Variants in GPC6 observed in about 807,000 individuals in gnomAD.
The protein encoded by GPC6 is glypican-6.
Under a neutral mutation model 55.2 loss-of-function variants are expected in GPC6, and 14 were observed. The observed-to-expected ratio is 0.25, with a 90% CI of 0.17 to 0.40. The LOEUF (loss-of-function observed/expected upper bound fraction) is 0.40, where lower values mean the gene tolerates loss of function less well. Ranked by LOEUF, GPC6 falls within the 10% of genes least tolerant of loss-of-function variation. GPC6 has a pLI of 1.00. For missense variants in GPC6, 641 were observed against 708.5 expected (o/e 0.90, Z 1.08); for synonymous variants, 278 against 259.6 (o/e 1.07, Z -0.68).
At chr13:94,127,435 C>T (rs558898516) in intron 4 of GPC6, among the ~76,000 whole-genome samples, 6 of 152,190 alleles carry the variant, frequency 3.9e-5, no homozygotes, top group East Asian at 3.9e-4. Flanking sequence ...GTGCCAGCTC[C>T]GCCTTTGCCT....
intron 2 of GPC6, among the ~76,000 whole-genome samples, chr13:93,717,196 A>G (rs1883280179): frequency 1.3e-5 from 2 of 151,754 alleles, no homozygotes; most frequent in African/African-American, 4.8e-5. Context: ...GACCAGAAAA[A>G]AAAATCTACT....
chr13:93,978,709 C>T (rs974502322), intron 3 of GPC6, among the ~76,000 whole-genome samples: 4 of 152,056 alleles, frequency 2.6e-5, no homozygotes, highest in Non-Finnish European at 4.4e-5. Context: ...AGGTCCACTT[C>T]CTTCTCTCAA....
intron 4 of GPC6, among the ~76,000 whole-genome samples, chr13:94,054,732 T>C (rs1214518116): frequency 3.9e-5 from 6 of 152,204 alleles, no homozygotes; most frequent in African/African-American, 1.4e-4. Context: ...TTGTTTGCAC[T>C]TTATAAGGAT....
intron 1 of GPC6, among the ~76,000 whole-genome samples, chr13:93,390,250 G>A (rs1875570799): frequency 6.6e-6 from 1 of 151,720 alleles, no homozygotes; most frequent in Admixed American, 6.6e-5. Flanking sequence ...AAAGATTATT[G>A]GTAAACCGTT....
At chr13:93,766,609 CT>C (rs67857715) in intron 2 of GPC6, among the ~76,000 whole-genome samples, 22,225 of 151,916 alleles carry the variant, frequency 0.15, 3,132 homozygotes, top group African/African-American at 0.35. Flanking sequence ...CCAAGGAAAA[CT>C]ATTTTAAGTG....
intron 3 of GPC6, among the ~76,000 whole-genome samples, chr13:93,991,290 T>C (rs1051058174): frequency 6.6e-6 from 1 of 152,114 alleles, no homozygotes; most frequent in Non-Finnish European, 1.5e-5. Flanking sequence ...GGAAGAAAAA[T>C]AGACATTATT....
chr13:93,380,324 A>G (rs946531386), intron 1 of GPC6, among the ~76,000 whole-genome samples: 41 of 152,274 alleles, frequency 2.7e-4, no homozygotes, highest in African/African-American at 9.4e-4. Flanking sequence ...TTGATGACCA[A>G]GGAATATTGG....
At chr13:93,816,205 A>G (rs1355146223) in intron 2 of GPC6, among the ~76,000 whole-genome samples, 1 of 152,096 alleles carries the variant, frequency 6.6e-6, no homozygotes, top group African/African-American at 2.4e-5. Context: ...GATTACATCA[A>G]TTTGGGAAAT....
intron 2 of GPC6, among the ~76,000 whole-genome samples, chr13:93,771,721 A>G (rs1885304243): frequency 7.9e-6 from 1 of 126,266 alleles, no homozygotes; most frequent in South Asian, 2.6e-4. Context: ...TTAAAGTATA[A>G]TAATAATAAA....
chr13:94,182,989 G>A (rs1804657707), intron 4 of GPC6, among the ~76,000 whole-genome samples: 1 of 152,108 alleles, frequency 6.6e-6, no homozygotes, highest in Non-Finnish European at 1.5e-5. Flanking sequence ...TGTTGCCCAG[G>A]CTGGTCTCAA....
At chr13:93,680,604 C>G (rs193183368) in intron 2 of GPC6, among the ~76,000 whole-genome samples, 36 of 152,132 alleles carry the variant, frequency 2.4e-4, no homozygotes, top group African/African-American at 8.7e-4. Context: ...GCTATAGAAC[C>G]AGAAATACAG....
intron 2 of GPC6, among the ~76,000 whole-genome samples, chr13:93,698,861 C>G (rs150291309): frequency 1.3e-5 from 2 of 151,666 alleles, no homozygotes; most frequent in Non-Finnish European, 2.9e-5. Context: ...TTTTGGAGTT[C>G]GTGATTATAT....
intron 4 of GPC6, among the ~76,000 whole-genome samples, chr13:94,239,408 T>C (rs918115626): frequency 1.3e-5 from 2 of 152,164 alleles, no homozygotes; most frequent in African/African-American, 4.8e-5. Flanking sequence ...TGAGCATAAC[T>C]GTTTTTCTGT....
chr13:93,861,160 A>T (rs1293056372), intron 3 of GPC6, among the ~76,000 whole-genome samples: 1 of 151,564 alleles, frequency 6.6e-6, no homozygotes, highest in Non-Finnish European at 1.5e-5. Context: ...GCTGTTATTC[A>T]TAATAATATT....
intron 2 of GPC6, among the ~76,000 whole-genome samples, chr13:93,792,343 C>T (rs538604633): frequency 6.6e-6 from 1 of 152,336 alleles, no homozygotes; most frequent in South Asian, 2.1e-4. Context: ...TGGAGTTTTG[C>T]TCTGTCGCCC....
chr13:93,343,697 A>G (rs1406580496), intron 1 of GPC6, among the ~76,000 whole-genome samples: 1 of 152,128 alleles, frequency 6.6e-6, no homozygotes, highest in African/African-American at 2.4e-5. Flanking sequence ...GTCATTCCTT[A>G]GTCTCTGAGA....
At chr13:93,843,966 C>CT (rs112602033) in intron 3 of GPC6, among the ~76,000 whole-genome samples, 11 of 151,590 alleles carry the variant, frequency 7.3e-5, no homozygotes, top group East Asian at 3.9e-4. Context: ...AAAAATAATG[C>CT]TTTTTTTTGT....
At chr13:94,039,845 T>G (rs181048123) in intron 4 of GPC6, among the ~76,000 whole-genome samples, 1 of 151,976 alleles carries the variant, frequency 6.6e-6, no homozygotes, top group East Asian at 1.9e-4. Flanking sequence ...ATATTAAACA[T>G]TCAACAGCCT....
chr13:93,822,164 C>T (rs1306350758), intron 2 of GPC6, among the ~76,000 whole-genome samples: 1 of 151,694 alleles, frequency 6.6e-6, no homozygotes, highest in South Asian at 2.1e-4. Context: ...TATGTATATA[C>T]ATATTGTGAA....
Sources: gnomAD v4.1 joint callset for allele counts (sites outside exome capture counted in the v4.1 genomes callset) on GRCh38, gnomAD v4.1.1 for gene constraint, MANE v1.5 for transcripts, NCBI Gene and HGNC (gene_info 2026-07-23, HGNC 2026-07-21) for gene names.